Variants in TMEM272 observed in about 807,000 individuals in gnomAD.
TMEM272 encodes long intergenic non-protein coding RNA 282.
TMEM272 carries 8 observed loss-of-function variants against 3.7 expected under a neutral mutation model. The observed-to-expected ratio is 2.17, with a 90% CI of 1.27 to 3.91. TMEM272 has a LOEUF of 3.91. Among genes scored for constraint, TMEM272 ranks in the 30% most tolerant of loss-of-function variants. The probability of loss-of-function intolerance (pLI) is 0.00; values close to 1 mark genes in which losing one functional copy is unlikely to be tolerated. For synonymous variants in TMEM272, 63 were observed against 39.8 expected, an observed-to-expected ratio of 1.58 and a Z score of -2.20; for missense variants, 166 against 91.5, an observed-to-expected ratio of 1.81 and a Z score of -3.32.
rs935544708 is a variant in TMEM272 at position 51,815,347 on chromosome 13, C to G, written c.*1404G>C. The G allele has an allele frequency of 6.6e-6, 1 of 152,658 alleles. No homozygotes were observed. The highest frequency in any genetic ancestry group is 2.1e-4 in the South Asian group (1 of 4,828). 9.5% of individuals were successfully genotyped at this position (152,658 alleles called of 1,614,324 possible). On this transcript the variant is annotated 3_prime_UTR_variant, in exon 5 of 5. Coordinates refer to ENST00000629372, the MANE Select transcript of TMEM272 (RefSeq NM_001351003.2). ...TCACCTGGGAGGAAAGGGGGACTAACGGTGACTGCCCGGGGAGTGCTTCTA... is the reference window on the plus strand; with the variant it reads ...TCACCTGGGAGGAAAGGGGGACTAAGGGTGACTGCCCGGGGAGTGCTTCTA...
the TMEM272 span, chr13:51,908,091 C>A: frequency 4.6e-6 from 2 of 433,538 alleles, no homozygotes; most frequent in Non-Finnish European, 4.4e-6. Flanking sequence ...AAAATACTAT[C>A]CTGAGAATTA....
chr13:51,868,360 C>T, the TMEM272 span, among the ~76,000 whole-genome samples: 1 of 152,296 alleles, frequency 6.6e-6, no homozygotes, highest in Admixed American at 6.5e-5. Context: ...GCATGTCACT[C>T]GAGTGTGCTT....
At chr13:51,871,138 G>A in the TMEM272 span, among the ~76,000 whole-genome samples, 7 of 151,424 alleles carry the variant, frequency 4.6e-5, no homozygotes, top group African/African-American at 1.7e-4. Flanking sequence ...CACCCACACT[G>A]AGTAGGGCTG....
intron 1 of TMEM272, among the ~76,000 whole-genome samples, chr13:51,841,185 G>A (rs981600416): frequency 6.6e-6 from 1 of 152,190 alleles, no homozygotes; most frequent in Non-Finnish European, 1.5e-5. Context: ...CCGGAAGGTC[G>A]GTTCCTTTCC....
the TMEM272 span, among the ~76,000 whole-genome samples, chr13:51,926,631 T>TTGTGGGTGTGGGTGTGGG: frequency 6.8e-6 from 1 of 146,798 alleles, no homozygotes; most frequent in African/African-American, 2.5e-5. Flanking sequence ...TGGGGCGGGT[T>TTGTGGGTGTGGGTGTGGG]TGTGGGTGTG....
At chr13:51,830,819 AGGCTGTGCCCT>A (rs1450217178) in intron 2 of TMEM272, among the ~76,000 whole-genome samples, 1 of 152,198 alleles carries the variant, frequency 6.6e-6, no homozygotes, top group African/African-American at 2.4e-5. Flanking sequence ...CCCTGTTCTC[AGGCTGTGCCCT>A]GGCTTCATCC....
chr13:51,911,660 T>C, the TMEM272 span, among the ~76,000 whole-genome samples: 1 of 151,988 alleles, frequency 6.6e-6, no homozygotes, highest in Admixed American at 6.5e-5. Context: ...AGACTCTGGG[T>C]TTTTTGCTTT....
chr13:51,915,591 CAG>C, the TMEM272 span, among the ~76,000 whole-genome samples: 3 of 152,200 alleles, frequency 2.0e-5, no homozygotes, highest in African/African-American at 7.2e-5. Flanking sequence ...TACATATACG[CAG>C]AGACACGCCC....
At chr13:51,908,340 G>A in the TMEM272 span, 3 of 1,443,596 alleles carry the variant, frequency 2.1e-6, no homozygotes, top group Non-Finnish European at 2.9e-6. Flanking sequence ...AGGTCTTGGG[G>A]GAAGGTAAGG....
the TMEM272 span, among the ~76,000 whole-genome samples, chr13:51,859,505 AACACACACACACAC>A: frequency 7.9e-4 from 103 of 129,946 alleles, no homozygotes; most frequent in Admixed American, 1.9e-3. Context: ...CTCCCAACCA[AACACACACACACAC>A]ACACACACAC....
the TMEM272 span, among the ~76,000 whole-genome samples, chr13:51,853,390 A>G: frequency 6.6e-6 from 1 of 152,124 alleles, no homozygotes; most frequent in East Asian, 1.9e-4. Flanking sequence ...AGCCTGGGCA[A>G]CATAGCGAGA....
the TMEM272 span, among the ~76,000 whole-genome samples, chr13:51,905,045 G>T: frequency 6.6e-6 from 1 of 152,178 alleles, no homozygotes; most frequent in South Asian, 2.1e-4. Flanking sequence ...TAGTTACTGT[G>T]TAAAATATCT....
chr13:51,851,788 G>C, the TMEM272 span, among the ~76,000 whole-genome samples: 1 of 152,188 alleles, frequency 6.6e-6, no homozygotes, highest in South Asian at 2.1e-4. Context: ...ATCCCAAAGT[G>C]CTGGGATTAC....
chr13:51,877,032 C>T, the TMEM272 span, among the ~76,000 whole-genome samples: 1 of 152,160 alleles, frequency 6.6e-6, no homozygotes, highest in East Asian at 1.9e-4. Flanking sequence ...GCCCCTTCTT[C>T]CAGCCAAAAC....
chr13:51,889,767 G>A, the TMEM272 span, among the ~76,000 whole-genome samples: 2,422 of 152,118 alleles, frequency 0.016, 50 homozygotes, highest in African/African-American at 0.056. Context: ...TCAGCCACCC[G>A]AGTAGCTGAG....
At chr13:51,838,129 T>C (rs1214756601) in intron 2 of TMEM272, among the ~76,000 whole-genome samples, 1 of 152,182 alleles carries the variant, frequency 6.6e-6, no homozygotes, top group East Asian at 1.9e-4. Context: ...AAGGGAAAGC[T>C]ACCCAGGTCC....
the TMEM272 span, among the ~76,000 whole-genome samples, chr13:51,887,342 T>A: frequency 1.3e-5 from 2 of 152,236 alleles, no homozygotes; most frequent in Non-Finnish European, 2.9e-5. Flanking sequence ...TTCTTAGACA[T>A]CCTTAAGCTG....
the TMEM272 span, chr13:51,933,436 A>G: frequency 6.6e-6 from 1 of 152,246 alleles, no homozygotes; most frequent in Non-Finnish European, 1.5e-5. Context: ...AAAAATCACT[A>G]AAACTATTTT....
the TMEM272 span, among the ~76,000 whole-genome samples, chr13:51,894,319 A>C: frequency 6.6e-6 from 1 of 152,180 alleles, no homozygotes; most frequent in Non-Finnish European, 1.5e-5. Context: ...CTCCCTACAG[A>C]CACTCTTTCT....
Sources: gnomAD v4.1 joint callset for allele counts (sites outside exome capture counted in the v4.1 genomes callset) on GRCh38, gnomAD v4.1.1 for gene constraint, MANE v1.5 for transcripts, NCBI Gene and HGNC (gene_info 2026-07-23, HGNC 2026-07-21) for gene names.